PPP3CC: variants seen among roughly 807,000 people sequenced by gnomAD.
PPP3CC encodes serine/threonine-protein phosphatase 2B catalytic subunit gamma isoform.
In PPP3CC, 35 loss-of-function variants were observed where a neutral mutation model predicts 60.3. The ratio of observed to expected loss-of-function variants is 0.58; its 90% CI spans 0.44 to 0.77. The LOEUF (loss-of-function observed/expected upper bound fraction) is 0.77. Ranked by LOEUF, PPP3CC falls within the 30% of genes least tolerant of loss-of-function variation. The probability of loss-of-function intolerance (pLI) is 0.00; values close to 1 mark genes in which losing one functional copy is unlikely to be tolerated. For missense variants in PPP3CC, 570 were observed against 628.9 expected (o/e 0.91, Z 1.00); for synonymous variants, 206 against 224.3 (o/e 0.92, Z 0.73).
intron 1 of PPP3CC, among the ~76,000 whole-genome samples, chr8:22,448,567 C>T (rs1225456888): frequency 5.3e-5 from 8 of 151,780 alleles, no homozygotes; most frequent in African/African-American, 1.5e-4. Context: ...TTAGTAGAGA[C>T]GAGGTTTCTC....
Position 22,498,034 on chromosome 8 carries a change from C to G in PPP3CC, c.406C>G (p.His136Asp). 6.2e-7 allele frequency: 1 copy of G among 1,612,918 alleles called. No homozygotes were observed. The highest frequency in any genetic ancestry group is 8.5e-7 in the Non-Finnish European group (1 of 1,179,316). Residue 136 changes from histidine (H) to aspartate (D), a missense_variant, in exon 4 of 14, where the codon CAT (histidine) becomes GAT (aspartate). Physicochemically the swap from His to Asp is moderately conservative, Grantham distance 81 (BLOSUM62 -1). Coordinates refer to ENST00000240139, the MANE Select transcript of PPP3CC (RefSeq NM_005605.5). ...VLYLWSLKIN[H>D]PKTLFLLRGN... The stretch of plus-strand genomic sequence containing the variant: ...GTATTTATGGAGTTTAAAGATTAAT[C>G]ATCCCAAAACATTGTTTCTGCTTCG...
At chr8:22,466,768 T>A (rs1203872473) in intron 1 of PPP3CC, among the ~76,000 whole-genome samples, 1 of 152,190 alleles carries the variant, frequency 6.6e-6, no homozygotes. Context: ...TGTTTTTGCT[T>A]TTTGAGATGG....
intron 1 of PPP3CC, among the ~76,000 whole-genome samples, chr8:22,457,171 T>C (rs1426223380): frequency 6.7e-6 from 1 of 150,142 alleles, no homozygotes; most frequent in Non-Finnish European, 1.5e-5. Flanking sequence ...ATACAGCATA[T>C]TACATATATA....
At chr8:22,444,814 G>A (rs970462978) in intron 1 of PPP3CC, among the ~76,000 whole-genome samples, 1 of 152,158 alleles carries the variant, frequency 6.6e-6, no homozygotes, top group Non-Finnish European at 1.5e-5. Context: ...CAGAGAACTA[G>A]GCACCCAAAT....
intron 13 of PPP3CC, 128 bp from the exon 14 acceptor site, chr8:22,540,487 A>G: frequency 5.7e-6 from 5 of 879,688 alleles, no homozygotes; most frequent in Non-Finnish European, 8.6e-6. Flanking sequence ...CTTTCACTAG[A>G]CGTGTGCTCC....
intron 3 of PPP3CC, among the ~76,000 whole-genome samples, chr8:22,495,171 ACTC>A (rs1838529081): frequency 2.6e-5 from 4 of 151,778 alleles, no homozygotes. Context: ...TTGGTCTTAA[ACTC>A]CTGGTCTCAA....
intron 8 of PPP3CC, among the ~76,000 whole-genome samples, chr8:22,525,558 CTT>C (rs1839536404): frequency 7.2e-6 from 1 of 139,196 alleles, no homozygotes. Flanking sequence ...CTCTCTCTCT[CTT>C]TCTTTCTCTC....
intron 1 of PPP3CC, among the ~76,000 whole-genome samples, chr8:22,455,767 A>G (rs1423890889): frequency 2.0e-5 from 3 of 151,528 alleles, no homozygotes; most frequent in Admixed American, 2.0e-4. Flanking sequence ...AGTTGGTTCT[A>G]GGAGGGCCAG....
chr8:22,465,462 A>G (rs1837492051), intron 1 of PPP3CC, among the ~76,000 whole-genome samples: 1 of 152,202 alleles, frequency 6.6e-6, no homozygotes, highest in Non-Finnish European at 1.5e-5. Flanking sequence ...GTATTAGAAA[A>G]TTTATCCCAA....
chr8:22,530,180 TAGG>T (rs1158476272), intron 10 of PPP3CC, among the ~76,000 whole-genome samples: 2 of 152,200 alleles, frequency 1.3e-5, no homozygotes, highest in Non-Finnish European at 2.9e-5. Flanking sequence ...ATTTATGGTA[TAGG>T]AGATGACTAC....
intron 12 of PPP3CC, among the ~76,000 whole-genome samples, chr8:22,533,402 T>C (rs757160851): frequency 1.3e-5 from 2 of 151,994 alleles, no homozygotes; most frequent in Non-Finnish European, 2.9e-5. Flanking sequence ...TGGAAGAAAA[T>C]TTTTTGCAAT....
chr8:22,444,800 A>G (rs9785089), intron 1 of PPP3CC, among the ~76,000 whole-genome samples: 28,222 of 152,236 alleles, frequency 0.19, 5,003 homozygotes, highest in African/African-American at 0.47. Flanking sequence ...ACTGGTATCT[A>G]AGCCAGAGAA....
chr8:22,510,922 C>T (rs745371165), intron 4 of PPP3CC, 164 bp from the exon 5 acceptor site: 8 of 688,320 alleles, frequency 1.2e-5, no homozygotes, highest in South Asian at 2.1e-5. Context: ...TATTGTTAAC[C>T]TATTATCCAC....
intron 3 of PPP3CC, among the ~76,000 whole-genome samples, chr8:22,491,349 T>G (rs1019522374): frequency 1.3e-5 from 2 of 152,194 alleles, no homozygotes; most frequent in Non-Finnish European, 2.9e-5. Flanking sequence ...GAATATGATT[T>G]TATCTCATAT....
In PPP3CC at chr8:22,441,472, C is replaced by G; in HGVS notation, c.49+14C>G. On this transcript the variant is annotated intron_variant, in intron 1 of 13. Coordinates refer to ENST00000240139, the MANE Select transcript of PPP3CC (RefSeq NM_005605.5). ...GCGTCATCAAAGGTGCCTGGCGGGCCGGGCCTTCCTCTGGGACCCGCGGGA... is the reference window on the plus strand; with the variant it reads ...GCGTCATCAAAGGTGCCTGGCGGGCGGGGCCTTCCTCTGGGACCCGCGGGA... 6.5e-7 allele frequency: 1 copy of G among 1,528,998 alleles called. No individual in the cohort carries two copies. The highest frequency in any genetic ancestry group is 8.8e-7 in the Non-Finnish European group (1 of 1,136,634). 94.7% of individuals were successfully genotyped at this position (1,528,998 alleles called of 1,614,324 possible).
rs556600010 is a variant in PPP3CC at position 22,493,291 on chromosome 8, A to G, written c.373-4710A>G. Reference sequence around the variant, plus strand: ...TCTTTTCAGTTTTTGCTTATATACAATTCATTCTTTGCAGCTAATTAAGCT... The same window carrying G: ...TCTTTTCAGTTTTTGCTTATATACAGTTCATTCTTTGCAGCTAATTAAGCT... On this transcript the variant is annotated intron_variant, in intron 3 of 13. Transcript: ENST00000240139. Among the ~76,000 whole-genome samples the G allele has an allele frequency of 6.6e-5, 10 of 152,196 alleles. 1 individual carries two copies. Among genetic ancestry groups the G allele is most frequent in the African/African-American group, 2.2e-4 (9 of 41,522 alleles).
At chr8:22,443,125 C>T (rs1836722644) in intron 1 of PPP3CC, among the ~76,000 whole-genome samples, 1 of 152,090 alleles carries the variant, frequency 6.6e-6, no homozygotes, top group Non-Finnish European at 1.5e-5. Flanking sequence ...TAATTTCCAC[C>T]ATAACATGCC....
intron 3 of PPP3CC, among the ~76,000 whole-genome samples, chr8:22,475,858 T>C (rs1303689681): frequency 6.6e-6 from 1 of 152,200 alleles, no homozygotes; most frequent in Non-Finnish European, 1.5e-5. Flanking sequence ...ATTTTACAAA[T>C]AGTTAAATGT....
intron 3 of PPP3CC, among the ~76,000 whole-genome samples, chr8:22,480,015 A>C (rs7845802): frequency 3.4e-3 from 522 of 152,176 alleles, no homozygotes; most frequent in African/African-American, 0.012. Context: ...GAGTTGTGGA[A>C]ATTTTTATTT....
Sources: gnomAD v4.1 joint callset for allele counts (sites outside exome capture counted in the v4.1 genomes callset) on GRCh38, gnomAD v4.1.1 for gene constraint, MANE v1.5 for transcripts, NCBI Gene and HGNC (gene_info 2026-07-23, HGNC 2026-07-21) for gene names.